Variants in GABRA3 observed in about 807,000 individuals in gnomAD.
GABRA3 encodes gamma-aminobutyric acid receptor subunit alpha-3.
GABRA3 carries 10 observed loss-of-function variants against 30.1 expected under a neutral mutation model. The observed-to-expected ratio is 0.33, with a 90% CI of 0.20 to 0.56. GABRA3 has a LOEUF of 0.56. GABRA3 is among the 20% of genes least tolerant of loss of function. GABRA3 has a pLI of 0.89. For synonymous variants in GABRA3, 151 were observed against 146.8 expected, an observed-to-expected ratio of 1.03 and a Z score of -0.21; for missense variants, 233 against 392.0, an observed-to-expected ratio of 0.59 and a Z score of 3.42.
intron 6 of GABRA3, among the ~76,000 whole-genome samples, chrX:152,222,657 T>A (rs900245246): frequency 9.0e-6 from 1 of 110,503 alleles, no homozygotes; most frequent in Admixed American, 9.7e-5. Flanking sequence ...TGTATAAAAC[T>A]GTAGTATTTT....
At chrX:152,430,410 C>A (rs1257729766) in intron 1 of GABRA3, among the ~76,000 whole-genome samples, 1 of 111,210 alleles carries the variant, frequency 9.0e-6, no homozygotes, top group East Asian at 2.8e-4. Context: ...GGAAACCAGA[C>A]GATGAGGCAG....
chrX:152,320,489 G>A (rs375755393), intron 3 of GABRA3, among the ~76,000 whole-genome samples: 8 of 111,615 alleles, frequency 7.2e-5, no homozygotes, highest in Admixed American at 1.9e-4. Flanking sequence ...ACCAAACATC[G>A]TATGTTCTCA....
chrX:152,425,173 G>A (rs181717974), intron 1 of GABRA3, among the ~76,000 whole-genome samples: 62 of 107,961 alleles, frequency 5.7e-4, no homozygotes, highest in African/African-American at 2.0e-3. Context: ...CTGGACTCAA[G>A]CAATTACCTA....
rs1374060307 is a variant in GABRA3 at position 152,168,379 on chromosome X, G to A, written c.1328C>T (p.Pro443Leu). 4 of 1,210,188 alleles carry A rather than the reference G, an allele frequency of 3.3e-6. No homozygotes were observed. The highest frequency in any genetic ancestry group is 3.5e-5 in the South Asian group (2 of 56,830). Residue 443 changes from proline (P) to leucine (L), a missense_variant, in exon 10 of 10, where the codon CCG (proline) becomes CTG (leucine). Pro to Leu is a moderately conservative substitution (Grantham distance 98). Around this residue, in one of 6 missense-constraint regions of GABRA3, gnomAD observed 66 missense variants for 57.1 expected, o/e 1.16. Transcript: ENST00000370314. ...ACTGTTGTAGGTCTTGGTCTCAGTC[G>A]GGCTGTCCTGCACGTAGGTGGCCTT... The part of the protein sequence containing the change: ...SPKATYVQDS[P>L]TETKTYNSVS...
intron 1 of GABRA3, among the ~76,000 whole-genome samples, chrX:152,370,914 T>C (rs1282706453): frequency 9.0e-6 from 1 of 111,090 alleles, no homozygotes; most frequent in Non-Finnish European, 1.9e-5. Flanking sequence ...GAATTGCTCA[T>C]CATCATCTTC....
chrX:152,233,340 T>C (rs138022225), intron 5 of GABRA3, among the ~76,000 whole-genome samples: 15,522 of 110,700 alleles, frequency 0.14, 842 homozygotes, highest in Admixed American at 0.22. Flanking sequence ...ATTTTGGCTT[T>C]TGTTGCCATT....
chrX:152,294,455 G>A (rs750920092), intron 3 of GABRA3, among the ~76,000 whole-genome samples: 36 of 111,260 alleles, frequency 3.2e-4, no homozygotes, highest in South Asian at 3.8e-4. Context: ...CATAGTTCTC[G>A]TGCCATGGTT....
At chrX:152,305,204 G>C (rs975901298) in intron 3 of GABRA3, among the ~76,000 whole-genome samples, 1 of 110,720 alleles carries the variant, frequency 9.0e-6, no homozygotes. Context: ...TTTATAAGTA[G>C]GAGCTAAACG....
chrX:152,237,233 C>A (rs1223512827), intron 5 of GABRA3, among the ~76,000 whole-genome samples: 1 of 110,942 alleles, frequency 9.0e-6, no homozygotes, highest in Non-Finnish European at 1.9e-5. Context: ...GTTTTCCCAG[C>A]ACCATTTATT....
intron 4 of GABRA3, among the ~76,000 whole-genome samples, chrX:152,259,675 G>A (rs935302416): frequency 1.8e-5 from 2 of 110,349 alleles, no homozygotes; most frequent in African/African-American, 6.6e-5. Flanking sequence ...AACGAACCCC[G>A]GCAGGATTTA....
At chrX:152,340,895 C>T (rs1329325662) in intron 3 of GABRA3, among the ~76,000 whole-genome samples, 5 of 105,115 alleles carry the variant, frequency 4.8e-5, no homozygotes, top group East Asian at 5.9e-4. Flanking sequence ...TATTTCAATA[C>T]CCTTTGGGTA....
At chrX:152,199,615 T>C (rs949604460) in intron 7 of GABRA3, among the ~76,000 whole-genome samples, 5 of 111,024 alleles carry the variant, frequency 4.5e-5, no homozygotes, top group Non-Finnish European at 9.4e-5. Flanking sequence ...CTTAAGATTC[T>C]CTACTCAACT....
chrX:152,384,653 A>C (rs1929246709), intron 1 of GABRA3, among the ~76,000 whole-genome samples: 1 of 112,447 alleles, frequency 8.9e-6, no homozygotes, highest in Non-Finnish European at 1.9e-5. Flanking sequence ...AGGCAGAATG[A>C]TAAAGCCTGT....
At chrX:152,321,780 A>G (rs1939967697) in intron 3 of GABRA3, among the ~76,000 whole-genome samples, 1 of 111,174 alleles carries the variant, frequency 9.0e-6, no homozygotes, top group South Asian at 3.8e-4. Flanking sequence ...CCCTCCTCAC[A>G]GTTTTCAATG....
intron 3 of GABRA3, among the ~76,000 whole-genome samples, chrX:152,327,817 C>G (rs984103661): frequency 1.2e-4 from 13 of 111,517 alleles, no homozygotes; most frequent in Admixed American, 1.1e-3. Context: ...CAAACACATT[C>G]AAAAGCTAGC....
intron 3 of GABRA3, among the ~76,000 whole-genome samples, chrX:152,299,940 G>A (rs1000522069): frequency 1.8e-5 from 2 of 112,023 alleles, no homozygotes; most frequent in African/African-American, 3.2e-5. Flanking sequence ...AAACCTCACT[G>A]GTCTTACCAC....
intron 1 of GABRA3, among the ~76,000 whole-genome samples, chrX:152,438,522 G>T (rs186145417): frequency 2.7e-5 from 3 of 112,405 alleles, no homozygotes; most frequent in South Asian, 3.7e-4. Flanking sequence ...ACTTATAGCA[G>T]CTTTATTCAT....
At chrX:152,446,061 C>T (rs1931079268) in intron 1 of GABRA3, among the ~76,000 whole-genome samples, 1 of 111,666 alleles carries the variant, frequency 9.0e-6, no homozygotes, top group South Asian at 3.8e-4. Flanking sequence ...CCTGGAGGGA[C>T]CCTTCCCTTC....
chrX:152,203,307 TCTA>T (rs1394984760), intron 7 of GABRA3, among the ~76,000 whole-genome samples: 2 of 111,909 alleles, frequency 1.8e-5, no homozygotes, highest in East Asian at 5.7e-4. Flanking sequence ...GAAGGGTCTT[TCTA>T]CAGAAAACTA....
Sources: allele counts gnomAD v4.1 joint callset (sites outside exome capture counted in the v4.1 genomes callset), GRCh38; gene constraint gnomAD v4.1.1; regional missense constraint gnomAD v4.1.1; transcripts MANE v1.5; gene names NCBI Gene and HGNC (gene_info 2026-07-23, HGNC 2026-07-21).